Variants in GALNTL6 observed in about 807,000 individuals in gnomAD.
The protein encoded by GALNTL6 is polypeptide N-acetylgalactosaminyltransferase like 6, also known as polypeptide N-acetylgalactosaminyltransferase-like 6.
In GALNTL6, 46 loss-of-function variants were observed where a neutral mutation model predicts 73.7. The ratio of observed to expected loss-of-function variants is 0.62; its 90% CI spans 0.49 to 0.80. The LOEUF is 0.80. Among genes scored for constraint, GALNTL6 ranks in the 30% least tolerant of loss-of-function variants. The probability of loss-of-function intolerance (pLI) is 0.00; values close to 1 mark genes in which losing one functional copy is unlikely to be tolerated. For missense variants in GALNTL6, 604 were observed against 755.0 expected (o/e 0.80, Z 2.34); for synonymous variants, 259 against 263.7 (o/e 0.98, Z 0.17).
At chr4:172,469,181 C>A (rs1273774636) in intron 5 of GALNTL6, among the ~76,000 whole-genome samples, 1 of 152,044 alleles carries the variant, frequency 6.6e-6, no homozygotes, top group African/African-American at 2.4e-5. Context: ...TATGGTTACA[C>A]AATTGGACTC....
intron 2 of GALNTL6, among the ~76,000 whole-genome samples, chr4:172,019,142 C>A (rs1209066309): frequency 6.6e-6 from 1 of 152,140 alleles, no homozygotes; most frequent in Non-Finnish European, 1.5e-5. Context: ...TGTGAATTCT[C>A]TGTTTTCCCG....
At chr4:173,024,355 T>C (rs1008582397) in intron 12 of GALNTL6, among the ~76,000 whole-genome samples, 1 of 152,262 alleles carries the variant, frequency 6.6e-6, no homozygotes, top group African/African-American at 2.4e-5. Context: ...TATTTATACT[T>C]AATCAGGAAC....
chr4:172,665,893 C>T (rs573435698), intron 5 of GALNTL6, among the ~76,000 whole-genome samples: 1 of 152,186 alleles, frequency 6.6e-6, no homozygotes, highest in South Asian at 2.1e-4. Flanking sequence ...TAAATAGTGC[C>T]TGTACCCTTT....
chr4:171,845,364 G>C (rs1014019808), intron 2 of GALNTL6, among the ~76,000 whole-genome samples: 2 of 152,130 alleles, frequency 1.3e-5, no homozygotes, highest in Non-Finnish European at 2.9e-5. Flanking sequence ...AAATGATGTG[G>C]AGACTATTTA....
At chr4:172,397,572 TA>T in intron 5 of GALNTL6, among the ~76,000 whole-genome samples, 1 of 150,974 alleles carries the variant, frequency 6.6e-6, no homozygotes, top group East Asian at 1.9e-4. Flanking sequence ...TTTATTTATT[TA>T]TTTATTTATT....
intron 5 of GALNTL6, among the ~76,000 whole-genome samples, chr4:172,392,543 G>T (rs192071496): frequency 6.6e-5 from 10 of 151,646 alleles, no homozygotes; most frequent in Admixed American, 3.3e-4. Flanking sequence ...AAAGTACTGG[G>T]ATTGTAGGCA....
intron 5 of GALNTL6, among the ~76,000 whole-genome samples, chr4:172,533,482 G>A (rs558106931): frequency 2.6e-5 from 4 of 151,636 alleles, no homozygotes; most frequent in South Asian, 2.1e-4. Flanking sequence ...ACGCCACCAC[G>A]CCTGGCTAAA....
At chr4:172,387,281 A>G (rs909961660) in intron 5 of GALNTL6, among the ~76,000 whole-genome samples, 3 of 151,994 alleles carry the variant, frequency 2.0e-5, no homozygotes, top group Non-Finnish European at 4.4e-5. Context: ...GTTTTTATCT[A>G]TTGTCTTTTC....
intron 2 of GALNTL6, among the ~76,000 whole-genome samples, chr4:172,091,215 T>C (rs540578946): frequency 6.6e-6 from 1 of 152,300 alleles, no homozygotes; most frequent in South Asian, 2.1e-4. Flanking sequence ...CTTGGCCTAA[T>C]TATTTGCATA....
rs1554032972 is a variant in GALNTL6, at chr4:172,529,863, T to TTTTATTTTG, written c.553+181181_553+181182insTGTTTATTT. Among the ~76,000 whole-genome samples the TTTTATTTTG allele has an allele frequency of 6.5e-5, 9 of 138,688 alleles. No homozygotes were observed. In the East Asian group the frequency reaches 1.9e-3, roughly 29 times the overall value. The allele number at this position is 138,688 out of a possible 152,430, so 91.0% of individuals were successfully genotyped here. Reference sequence around the variant, plus strand: ...ACCACATCTGGCTAATTTATTTTTATTTTATTTATTTATTTATTTATTTAT... The same window carrying TTTTATTTTG: ...ACCACATCTGGCTAATTTATTTTTATTTTATTTTGTTTATTTATTTATTTATTTATTTAT... On this transcript the variant is annotated intron_variant, in intron 5 of 12. Coordinates refer to ENST00000506823, the MANE Select transcript of GALNTL6 (RefSeq NM_001034845.3).
chr4:171,838,323 A>C (rs772976994), intron 2 of GALNTL6, among the ~76,000 whole-genome samples: 1 of 151,914 alleles, frequency 6.6e-6, no homozygotes, highest in African/African-American at 2.4e-5. Context: ...GGGTTTCACC[A>C]TGTTGGCCAG....
intron 2 of GALNTL6, among the ~76,000 whole-genome samples, chr4:172,222,381 C>G (rs1399109250): frequency 6.6e-6 from 1 of 151,922 alleles, no homozygotes; most frequent in South Asian, 2.1e-4. Context: ...TGAAAGCAAC[C>G]TTTTCTTGCA....
At chr4:172,431,120 G>A (rs75947659) in intron 5 of GALNTL6, among the ~76,000 whole-genome samples, 273 of 152,162 alleles carry the variant, frequency 1.8e-3, no homozygotes, top group African/African-American at 6.2e-3. Flanking sequence ...ATTAAATTCT[G>A]CCATTAAATT....
At chr4:172,198,179 A>G (rs1412274378) in intron 2 of GALNTL6, among the ~76,000 whole-genome samples, 5 of 152,146 alleles carry the variant, frequency 3.3e-5, no homozygotes, top group African/African-American at 1.2e-4. Context: ...CATTCAGGAT[A>G]TAGGCACAGG....
intron 2 of GALNTL6, among the ~76,000 whole-genome samples, chr4:172,140,238 G>C (rs1304800026): frequency 6.6e-6 from 1 of 151,958 alleles, no homozygotes; most frequent in Non-Finnish European, 1.5e-5. Flanking sequence ...TGCAGAAAAA[G>C]GTGTCATGCA....
intron 5 of GALNTL6, among the ~76,000 whole-genome samples, chr4:172,792,816 T>C (rs2110935097): frequency 6.6e-6 from 1 of 152,138 alleles, no homozygotes; most frequent in Non-Finnish European, 1.5e-5. Flanking sequence ...CCATGCTTTT[T>C]TATTCCTCAT....
chr4:172,129,492 A>G (rs1358316493), intron 2 of GALNTL6, among the ~76,000 whole-genome samples: 1 of 152,246 alleles, frequency 6.6e-6, no homozygotes, highest in African/African-American at 2.4e-5. Context: ...TCTCAAGATC[A>G]TGCCCACCAT....
intron 3 of GALNTL6, among the ~76,000 whole-genome samples, chr4:172,263,128 G>A (rs78809613): frequency 1.8e-3 from 277 of 151,472 alleles, no homozygotes; most frequent in African/African-American, 6.3e-3. Context: ...GAATTTCCCA[G>A]CCGTTCTTTG....
At chr4:172,579,783 GAGGA>G (rs1447574420) in intron 5 of GALNTL6, among the ~76,000 whole-genome samples, 4 of 131,848 alleles carry the variant, frequency 3.0e-5, no homozygotes, top group African/African-American at 1.1e-4. Context: ...GAGTTTAAAT[GAGGA>G]AGGAAGGAAG....
Sources: gnomAD v4.1 joint callset for allele counts (sites outside exome capture counted in the v4.1 genomes callset) on GRCh38, gnomAD v4.1.1 for gene constraint, MANE v1.5 for transcripts, NCBI Gene and HGNC (gene_info 2026-07-23, HGNC 2026-07-21) for gene names.